The following STIM2 variants were observed in gnomAD, a reference collection of about 807,000 sequenced individuals.
STIM2 encodes stromal interaction molecule 2.
A neutral mutation model predicts 85.8 loss-of-function variants in STIM2; 31 were observed. That is an observed-to-expected ratio of 0.36 (90% CI 0.27 to 0.49). STIM2 has a LOEUF of 0.49. Among genes scored for constraint, STIM2 ranks in the 20% least tolerant of loss-of-function variants. The pLI is 0.98. For synonymous variants in STIM2, 356 were observed against 331.1 expected (o/e 1.08, Z -0.82); for missense variants, 841 against 927.6 (o/e 0.91, Z 1.21).
In STIM2 at chr4:26,910,141, A is replaced by G. The variant is rs183587496; in HGVS notation, c.152-9363A>G. On this transcript the variant is annotated intron_variant, in intron 1 of 11. Transcript: ENST00000467087. ...TTTCTTTTTCTGCACCTAGTCAACT[A>G]TTTTCTAAGATAATGATAGATGCTA... Among the ~76,000 whole-genome samples the G allele has an allele frequency of 5.9e-5, 9 of 152,152 alleles. No individual in the cohort carries two copies. The South Asian group carries it at 1.7e-3, about 28-fold the overall frequency.
Position 26,889,878 on chromosome 4 carries a change from T to C in STIM2, c.151+28509T>C, listed in dbSNP as rs75096556. Among the ~76,000 whole-genome samples the C allele has an allele frequency of 9.1e-4, 139 of 152,338 alleles. 1 individual carries two copies. Among genetic ancestry groups the C allele is most frequent in the African/African-American group, 3.2e-3 (134 of 41,576 alleles). ...AGCATTCACGTGGGACACAGATTCC[T>C]TCACATTTTTTGCCCAAAGAGGTCT... On this transcript the variant is annotated intron_variant, in intron 1 of 11. Transcript: ENST00000467087.
chr4:26,879,693 G>A (rs1354133734), intron 1 of STIM2, among the ~76,000 whole-genome samples: 1 of 152,104 alleles, frequency 6.6e-6, no homozygotes, highest in African/African-American at 2.4e-5. Context: ...ACAAACATTA[G>A]TAATATTCCA....
At chr4:26,932,281 G>T (rs1279391836) in intron 2 of STIM2, among the ~76,000 whole-genome samples, 2 of 152,200 alleles carry the variant, frequency 1.3e-5, no homozygotes, top group African/African-American at 4.8e-5. Context: ...AAAGGATGGT[G>T]AATCTTAACG....
intron 2 of STIM2, among the ~76,000 whole-genome samples, chr4:26,944,634 G>C (rs541182738): frequency 1.3e-5 from 2 of 152,278 alleles, no homozygotes; most frequent in East Asian, 3.9e-4. Flanking sequence ...GCTCACACTA[G>C]TATTGTAAAA....
intron 1 of STIM2, among the ~76,000 whole-genome samples, chr4:26,862,798 A>G (rs977428466): frequency 6.6e-6 from 1 of 152,220 alleles, no homozygotes; most frequent in Admixed American, 6.5e-5. Context: ...AATAGTATTT[A>G]TTCTCCAAAT....
intron 1 of STIM2, among the ~76,000 whole-genome samples, chr4:26,862,604 A>G (rs949953727): frequency 1.4e-4 from 21 of 152,358 alleles, no homozygotes; most frequent in African/African-American, 4.8e-4. Flanking sequence ...TGGAGGATGT[A>G]GAGTATAGAA....
At chr4:26,928,022 C>G (rs1577443117) in intron 2 of STIM2, among the ~76,000 whole-genome samples, 1 of 151,832 alleles carries the variant, frequency 6.6e-6, no homozygotes, top group South Asian at 2.1e-4. Context: ...AAGGTGCTGG[C>G]AGGTTTGGTG....
At chr4:26,970,538 C>T (rs1577470599) in intron 3 of STIM2, among the ~76,000 whole-genome samples, 1 of 151,866 alleles carries the variant, frequency 6.6e-6, no homozygotes, top group African/African-American at 2.4e-5. Flanking sequence ...AATGATGGTT[C>T]CCAGCTGCAT....
chr4:26,919,694 T>A, intron 2 of STIM2, 60 bp downstream of exon 2: 1 of 1,570,348 alleles, frequency 6.4e-7, no homozygotes, highest in Non-Finnish European at 8.6e-7. Context: ...CATTTCTGTT[T>A]CTGGTCTTCA....
intron 2 of STIM2, among the ~76,000 whole-genome samples, chr4:26,943,234 A>G (rs1263373863): frequency 1.3e-5 from 2 of 152,072 alleles, no homozygotes; most frequent in African/African-American, 4.8e-5. Flanking sequence ...TAACACATCA[A>G]TTATTTGGTT....
At chr4:26,894,206 T>C (rs193278615) in intron 1 of STIM2, among the ~76,000 whole-genome samples, 34 of 152,318 alleles carry the variant, frequency 2.2e-4, no homozygotes, top group Non-Finnish European at 4.0e-4. Flanking sequence ...ATATTTCTGT[T>C]ATATTTGATC....
At chr4:26,997,898 C>T (rs1017931428) in intron 4 of STIM2, among the ~76,000 whole-genome samples, 4 of 152,156 alleles carry the variant, frequency 2.6e-5, no homozygotes, top group African/African-American at 9.7e-5. Context: ...CATAGGAGTT[C>T]CTGTAATTTT....
intron 3 of STIM2, among the ~76,000 whole-genome samples, chr4:26,976,315 T>C (rs909938947): frequency 6.6e-6 from 1 of 151,558 alleles, no homozygotes; most frequent in African/African-American, 2.4e-5. Context: ...AGAAATCACC[T>C]GTCTTCTGCA....
At chr4:26,874,246 T>C in intron 1 of STIM2, 1 of 431,120 alleles carries the variant, frequency 2.3e-6, no homozygotes, top group Non-Finnish European at 4.6e-6. Flanking sequence ...GTCTCCTGGA[T>C]GGCTGGCCAC....
chr4:26,979,340 A>C (rs1006184288), intron 3 of STIM2, among the ~76,000 whole-genome samples: 1 of 152,248 alleles, frequency 6.6e-6, no homozygotes, highest in Non-Finnish European at 1.5e-5. Context: ...TGAGAAAGAG[A>C]TGCTTTCTGA....
At chr4:27,004,422 A>C (rs1032942633) in intron 7 of STIM2, among the ~76,000 whole-genome samples, 1 of 152,070 alleles carries the variant, frequency 6.6e-6, no homozygotes. Flanking sequence ...TGCCCTTTGC[A>C]CTCCTGTAAG....
chr4:26,967,401 C>T (rs1726763425), intron 3 of STIM2, among the ~76,000 whole-genome samples: 1 of 152,026 alleles, frequency 6.6e-6, no homozygotes, highest in African/African-American at 2.4e-5. Flanking sequence ...TGAATGAAAT[C>T]AGTAATGGCC....
chr4:26,999,170 T>C, intron 4 of STIM2, 62 bp from the exon 5 acceptor site: 7 of 670,370 alleles, frequency 1.0e-5, no homozygotes, highest in Middle Eastern at 8.0e-4. Flanking sequence ...TTTAAATTTG[T>C]ATACTAGAAA....
chr4:27,023,122 A>G lies in STIM2; in HGVS notation c.*126A>G. On this transcript the variant is annotated 3_prime_UTR_variant, in exon 12 of 12. Transcript: ENST00000467087. ...ACTCCATTGGGGCTTTCCAGGCCGG[A>G]TGCCATAGTGGAACATCCAGAAGGG... 1.1e-6 allele frequency: 1 copy of G among 898,788 alleles called. No homozygotes were observed. Among genetic ancestry groups the G allele is most frequent in the Non-Finnish European group, 1.7e-6 (1 of 585,168 alleles). 55.7% of individuals were successfully genotyped at this position (898,788 alleles called of 1,614,324 possible).
Sources: gnomAD v4.1 joint callset for allele counts (sites outside exome capture counted in the v4.1 genomes callset) on GRCh38, gnomAD v4.1.1 for gene constraint, MANE v1.5 for transcripts, NCBI Gene and HGNC (gene_info 2026-07-23, HGNC 2026-07-21) for gene names.